POLR1D: variants seen among roughly 807,000 people sequenced by gnomAD.
The protein encoded by POLR1D is DNA-directed RNA polymerases I and III subunit RPAC2.
In POLR1D, 8 loss-of-function variants were observed where a neutral mutation model predicts 10.8. That is an observed-to-expected ratio of 0.74 (90% CI 0.43 to 1.33). The LOEUF (loss-of-function observed/expected upper bound fraction) is 1.33. Ranked by LOEUF, POLR1D falls within the 40% of genes most tolerant of loss-of-function variation. The pLI, the probability that POLR1D is intolerant of heterozygous loss-of-function variation, is 0.01. For missense variants in POLR1D, 152 were observed against 161.7 expected (o/e 0.94, Z 0.32); for synonymous variants, 54 against 57.2 (o/e 0.94, Z 0.25).
chr13:27,648,287 G>C, intron 1 of POLR1D: 1 of 875,906 alleles, frequency 1.1e-6, no homozygotes, highest in Non-Finnish European at 1.9e-6. Context: ...TCAAAAGTTA[G>C]TTCCTTTCCC....
downstream of POLR1D, among the ~76,000 whole-genome samples, chr13:27,628,419 AG>A (rs1956039377): frequency 6.6e-6 from 1 of 152,244 alleles, no homozygotes; most frequent in Non-Finnish European, 1.5e-5. Context: ...ATTTAATTTC[AG>A]GTAGTAAACT....
At chr13:27,620,860 G>A (rs1161516064), upstream of POLR1D, 1 of 152,758 alleles carries the variant, frequency 6.5e-6, no homozygotes, top group Non-Finnish European at 1.5e-5. Context: ...CCGCCGCCAA[G>A]AGTGGCACAG....
chr13:27,637,183 T>C (rs1956132422), intron 1 of POLR1D, among the ~76,000 whole-genome samples: 1 of 152,198 alleles, frequency 6.6e-6, no homozygotes, highest in Admixed American at 6.5e-5. Context: ...TGGTATGATA[T>C]GTGTTATGAT....
chr13:27,633,804 G>A (rs559409338), intron 1 of POLR1D, among the ~76,000 whole-genome samples: 11 of 152,314 alleles, frequency 7.2e-5, no homozygotes, highest in Admixed American at 1.3e-4. Flanking sequence ...ATCCTGAGTT[G>A]CTGCTTTGTT....
chr13:27,644,906 A>C (rs1956205051), intron 1 of POLR1D, among the ~76,000 whole-genome samples: 1 of 152,220 alleles, frequency 6.6e-6, no homozygotes, highest in Admixed American at 6.5e-5. Flanking sequence ...ATCATGTAGA[A>C]TAGAAACTGG....
intron 1 of POLR1D, among the ~76,000 whole-genome samples, chr13:27,632,453 T>C (rs1193295845): frequency 6.6e-6 from 1 of 152,212 alleles, no homozygotes; most frequent in Non-Finnish European, 1.5e-5. Context: ...ACAGAATGCA[T>C]GCATTTGTTT....
intron 1 of POLR1D, among the ~76,000 whole-genome samples, chr13:27,644,848 T>C (rs1235699745): frequency 6.6e-6 from 1 of 152,216 alleles, no homozygotes; most frequent in Non-Finnish European, 1.5e-5. Context: ...GTTTCATGCA[T>C]GTTAATGTTT....
intron 1 of POLR1D, among the ~76,000 whole-genome samples, chr13:27,637,703 T>C (rs1277220835): frequency 1.3e-5 from 2 of 152,204 alleles, no homozygotes; most frequent in African/African-American, 4.8e-5. Context: ...TTAATTTCAT[T>C]GCCGTATAAA....
At chr13:27,622,234 G>A (rs917611954) in intron 1 of POLR1D, 8 of 600,826 alleles carry the variant, frequency 1.3e-5, no homozygotes, top group Non-Finnish European at 1.5e-5. Context: ...TTAAGTATCC[G>A]AACTGCCCAC....
chr13:27,626,691 C>A (rs1956013625), downstream of POLR1D, among the ~76,000 whole-genome samples: 1 of 152,224 alleles, frequency 6.6e-6, no homozygotes, highest in South Asian at 2.1e-4. Flanking sequence ...ATCAGAAATT[C>A]TCTTCAGCTG....
At position 27,658,524 on chromosome 13, in the gene POLR1D, G is replaced by A. The variant is rs1334352990; in HGVS notation, c.102-7162G>A. On this transcript the variant is annotated intron_variant, in intron 2 of 2. Transcript: ENST00000399697. ...TTTATTTGCTTTAAAATTTAAAATA[G>A]AACTAGAGTGAGTGGTATTATTTTT... 2.0e-5 allele frequency among the ~76,000 whole-genome samples: 3 copies of A among 152,280 alleles called. No individual in the cohort carries two copies. In the East Asian group the frequency reaches 5.8e-4, roughly 29 times the overall value.
At chr13:27,666,848 T>A (rs1279082303) in exon 3 of POLR1D, 1 of 152,186 alleles carries the variant, frequency 6.6e-6, no homozygotes, top group East Asian at 1.9e-4. Context: ...ATTCCTTCTT[T>A]ATACTCAGGA....
upstream of POLR1D, chr13:27,621,728 C>G (rs569344015): frequency 3.6e-4 from 110 of 308,110 alleles, 3 homozygotes; most frequent in South Asian, 0.016. Context: ...CGAGTGGCCT[C>G]GCGTGGTCGC....
chr13:27,667,410 C>T (rs919633458), exon 3 of POLR1D: 7 of 152,088 alleles, frequency 4.6e-5, no homozygotes, highest in Non-Finnish European at 8.8e-5. Flanking sequence ...TGAATTGTGT[C>T]ATTTGTGTAT....
At chr13:27,629,403 T>C (rs1331079482) in intron 1 of POLR1D, among the ~76,000 whole-genome samples, 2 of 152,336 alleles carry the variant, frequency 1.3e-5, no homozygotes, top group East Asian at 1.9e-4. Flanking sequence ...TTCAAAGTGC[T>C]TAGGACAGTA....
At chr13:27,649,855 C>G (rs926491463) in intron 2 of POLR1D, among the ~76,000 whole-genome samples, 3 of 152,176 alleles carry the variant, frequency 2.0e-5, no homozygotes, top group Non-Finnish European at 4.4e-5. Flanking sequence ...GAACTGATTG[C>G]AGACCTGAAG....
intron 1 of POLR1D, among the ~76,000 whole-genome samples, chr13:27,641,322 A>G (rs1400489960): frequency 6.6e-6 from 1 of 152,230 alleles, no homozygotes. Context: ...CCCCAAGTCA[A>G]AGTATTTACA....
chr13:27,637,875 C>T (rs1417955004), intron 1 of POLR1D, among the ~76,000 whole-genome samples: 1 of 152,076 alleles, frequency 6.6e-6, no homozygotes, highest in Non-Finnish European at 1.5e-5. Flanking sequence ...AAGCCATCCT[C>T]CCCCATCAGC....
chr13:27,630,808 A>G (rs1207828295), intron 1 of POLR1D, among the ~76,000 whole-genome samples: 2 of 152,334 alleles, frequency 1.3e-5, no homozygotes, highest in South Asian at 4.1e-4. Flanking sequence ...TATGGTCTTC[A>G]TAGTACAGGT....
Sources: allele counts gnomAD v4.1 joint callset (sites outside exome capture counted in the v4.1 genomes callset), GRCh38; gene constraint gnomAD v4.1.1; transcripts MANE v1.5; gene names NCBI Gene and HGNC (gene_info 2026-07-23, HGNC 2026-07-21).